RARB: variants seen among roughly 807,000 people sequenced by gnomAD.
The protein encoded by RARB is retinoic acid receptor beta.
Under a neutral mutation model 51.9 loss-of-function variants are expected in RARB, and 17 were observed. The ratio of observed to expected loss-of-function variants is 0.33; its 90% CI spans 0.22 to 0.49. The LOEUF (loss-of-function observed/expected upper bound fraction) is 0.49, where lower values mean the gene tolerates loss of function less well. Ranked by LOEUF, RARB falls within the 20% of genes least tolerant of loss-of-function variation. The pLI is 0.99. For missense variants in RARB, 369 were observed against 550.8 expected (o/e 0.67, Z 3.30); for synonymous variants, 215 against 195.4 (o/e 1.10, Z -0.84).
At chr3:25,047,431 A>T (rs923272621) in intron 2 of RARB, among the ~76,000 whole-genome samples, 11 of 152,202 alleles carry the variant, frequency 7.2e-5, no homozygotes, top group Non-Finnish European at 1.0e-4. Flanking sequence ...ATTAAAAAAA[A>T]TGTTTATGTA....
rs145120105 is a variant in RARB at position 25,273,990 on chromosome 3, C to T, written c.178+99415C>T. ...CCCTGACTATTGCTGCATGCGGCAG[C>T]CTGTCCCCACCCTGGGATGGTTCTC... On this transcript the variant is annotated intron_variant, in intron 5 of 11. Transcript: ENST00000383772. Among the ~76,000 whole-genome samples, 325 of 152,260 alleles carry T rather than the reference C, an allele frequency of 2.1e-3. 1 individual carries two copies. The highest frequency in any genetic ancestry group is 6.0e-3 in the African/African-American group (250 of 41,544).
intron 2 of RARB, among the ~76,000 whole-genome samples, chr3:25,038,519 G>A (rs1698048380): frequency 6.6e-6 from 1 of 152,096 alleles, no homozygotes; most frequent in Non-Finnish European, 1.5e-5. Context: ...GGTCATTGTG[G>A]CCCTCCTTTT....
chr3:25,585,601 A>G (rs1052970537), intron 5 of RARB, among the ~76,000 whole-genome samples: 17 of 152,182 alleles, frequency 1.1e-4, no homozygotes. Context: ...CCGTGGGCAA[A>G]TGATGGGGAA....
intron 5 of RARB, among the ~76,000 whole-genome samples, chr3:25,201,744 C>T (rs1228311120): frequency 7.2e-5 from 11 of 152,202 alleles, no homozygotes; most frequent in Admixed American, 2.0e-4. Flanking sequence ...TATTGGTTTT[C>T]GTATGTTGAA....
At chr3:24,909,907 T>G (rs1441878980) in intron 2 of RARB, among the ~76,000 whole-genome samples, 1 of 152,090 alleles carries the variant, frequency 6.6e-6, no homozygotes, top group East Asian at 1.9e-4. Flanking sequence ...GTGTGTGTGT[T>G]TGTATTTATT....
chr3:25,400,708 G>C (rs900052234), intron 5 of RARB, among the ~76,000 whole-genome samples: 1 of 152,068 alleles, frequency 6.6e-6, no homozygotes. Flanking sequence ...CTGGCATATA[G>C]AATAAAGTTT....
chr3:25,261,791 A>G (rs1575267004), intron 5 of RARB, among the ~76,000 whole-genome samples: 1 of 152,060 alleles, frequency 6.6e-6, no homozygotes, highest in African/African-American at 2.4e-5. Context: ...TTCTTTCTTT[A>G]CCTTCATGCC....
intron 5 of RARB, among the ~76,000 whole-genome samples, chr3:25,221,711 T>G (rs1701952611): frequency 6.6e-6 from 1 of 152,190 alleles, no homozygotes; most frequent in Non-Finnish European, 1.5e-5. Context: ...CAAATGCTGC[T>G]TCTAGGAGAA....
intron 5 of RARB, among the ~76,000 whole-genome samples, chr3:25,355,605 A>T (rs930119119): frequency 6.6e-6 from 1 of 152,136 alleles, no homozygotes; most frequent in African/African-American, 2.4e-5. Context: ...TCATTATTCT[A>T]TAGATGGCAC....
At chr3:25,392,580 T>C (rs1051975859) in intron 5 of RARB, among the ~76,000 whole-genome samples, 2 of 152,200 alleles carry the variant, frequency 1.3e-5, no homozygotes, top group African/African-American at 2.4e-5. Context: ...CAGTGTTTTA[T>C]AGTTTTCCTT....
At chr3:25,228,542 A>C (rs1182081867) in intron 5 of RARB, among the ~76,000 whole-genome samples, 1 of 151,886 alleles carries the variant, frequency 6.6e-6, no homozygotes, top group Admixed American at 6.6e-5. Context: ...ACACCTACTA[A>C]AGATTCCATA....
intron 1 of RARB, among the ~76,000 whole-genome samples, chr3:25,459,930 G>A (rs1212223617): frequency 2.6e-5 from 4 of 152,200 alleles, no homozygotes; most frequent in Non-Finnish European, 4.4e-5. Context: ...TAGAAGTACA[G>A]CCAGTTCTTG....
chr3:25,398,274 A>C (rs545122253), intron 5 of RARB, among the ~76,000 whole-genome samples: 2 of 152,124 alleles, frequency 1.3e-5, no homozygotes. Flanking sequence ...GTCCATCACC[A>C]TTAACTACAG....
chr3:25,237,072 T>C (rs142608821), intron 5 of RARB, among the ~76,000 whole-genome samples: 172 of 151,740 alleles, frequency 1.1e-3, no homozygotes, highest in Middle Eastern at 3.4e-3. Context: ...GCTATTATCA[T>C]AATTGCTATC....
chr3:25,254,321 T>C (rs569512632), intron 5 of RARB, among the ~76,000 whole-genome samples: 1 of 152,296 alleles, frequency 6.6e-6, no homozygotes, highest in Non-Finnish European at 1.5e-5. Flanking sequence ...TGAAAAAGAT[T>C]TACTTCTCTA....
At chr3:25,011,206 TA>T (rs1482723129) in intron 2 of RARB, among the ~76,000 whole-genome samples, 1 of 151,980 alleles carries the variant, frequency 6.6e-6, no homozygotes, top group Non-Finnish European at 1.5e-5. Context: ...GAATGAACAA[TA>T]AAGGGAATAA....
At chr3:25,204,237 G>T (rs1293051517) in intron 5 of RARB, among the ~76,000 whole-genome samples, 3 of 152,084 alleles carry the variant, frequency 2.0e-5, no homozygotes, top group Non-Finnish European at 2.9e-5. Flanking sequence ...TGAAGCTTGT[G>T]CATTCATGTA....
intron 2 of RARB, among the ~76,000 whole-genome samples, chr3:25,040,223 G>A (rs141360875): frequency 6.6e-5 from 10 of 152,306 alleles, no homozygotes; most frequent in African/African-American, 2.4e-4. Context: ...TGTTTCTATA[G>A]TGATGGAAAG....
At chr3:24,940,311 T>A (rs1253868621) in intron 2 of RARB, among the ~76,000 whole-genome samples, 1 of 152,104 alleles carries the variant, frequency 6.6e-6, no homozygotes, top group East Asian at 1.9e-4. Context: ...AATTTCTTCA[T>A]GGGCTCAAAA....
Sources: allele counts gnomAD v4.1 joint callset (sites outside exome capture counted in the v4.1 genomes callset), GRCh38; gene constraint gnomAD v4.1.1; transcripts MANE v1.5; gene names NCBI Gene and HGNC (gene_info 2026-07-23, HGNC 2026-07-21).